Variants in ZNF573 observed in about 807,000 individuals in gnomAD.
ZNF573 encodes zinc finger protein 573.
Under a neutral mutation model 57.4 loss-of-function variants are expected in ZNF573, and 41 were observed. The observed-to-expected ratio is 0.71, with a 90% CI of 0.56 to 0.93. ZNF573 has a LOEUF of 0.93. Ranked by LOEUF, ZNF573 falls within the 40% of genes least tolerant of loss-of-function variation. ZNF573 has a pLI of 0.00. For missense variants in ZNF573, 730 were observed against 794.8 expected (o/e 0.92, Z 0.98); for synonymous variants, 249 against 261.0 (o/e 0.95, Z 0.44).
Position 37,738,472 on chromosome 19 carries a change from C to T in ZNF573, c.*20G>A, listed in dbSNP as rs189601956. The T allele has an allele frequency of 1.6e-4, 235 of 1,504,462 alleles. No homozygotes were observed. The highest frequency in any genetic ancestry group is 7.0e-4 in the South Asian group (49 of 70,308). 93.2% of individuals were successfully genotyped at this position (1,504,462 alleles called of 1,614,324 possible). ...GTGGGCTGTCTGATGATGAATGGCG[C>T]GCTCGTACTCTTTACGGTCTTACAC... On this transcript the variant is annotated 3_prime_UTR_variant, in exon 5 of 5. Coordinates refer to ENST00000536220, the MANE Select transcript of ZNF573 (RefSeq NM_001172690.2).
rs780115588 is a variant in ZNF573, at chr19:37,739,995, T to C, written c.495A>G (p.Lys165=). 6.2e-7 allele frequency: 1 copy of C among 1,614,184 alleles called. No individual in the cohort carries two copies. Among genetic ancestry groups the C allele is most frequent in the South Asian group, 1.1e-5 (1 of 91,084 alleles). ...CACTACGAAAGTTCTTCCCACACTC[T>C]TTGCATTCATAGGGTCTCTCAATGA... The part of the protein sequence containing the change: ...FHVIERPYEC[K]ECGKNFRSGY... Residue 165 remains lysine (K), a synonymous_variant, in exon 5 of 5, where the codon AAA becomes AAG. Coordinates refer to ENST00000536220, the MANE Select transcript of ZNF573 (RefSeq NM_001172690.2).
intron 4 of ZNF573, among the ~76,000 whole-genome samples, chr19:37,742,347 A>C (rs1177051643): frequency 6.6e-6 from 1 of 152,242 alleles, no homozygotes; most frequent in East Asian, 1.9e-4. Flanking sequence ...ATATGGAATC[A>C]AAGAAGACCC....
intron 4 of ZNF573, among the ~76,000 whole-genome samples, chr19:37,750,738 G>A (rs920714424): frequency 1.3e-5 from 2 of 150,670 alleles, no homozygotes; most frequent in Non-Finnish European, 2.9e-5. Flanking sequence ...TGTAATCCCA[G>A]CACTTTGGGA....
intron 2 of ZNF573, among the ~76,000 whole-genome samples, chr19:37,773,179 G>A (rs1035752970): frequency 1.3e-5 from 2 of 152,070 alleles, no homozygotes; most frequent in African/African-American, 4.8e-5. Context: ...CAAGATCCAT[G>A]GTATATCTCC....
At chr19:37,741,915 T>C (rs976184655) in intron 4 of ZNF573, among the ~76,000 whole-genome samples, 1 of 152,136 alleles carries the variant, frequency 6.6e-6, no homozygotes, top group Non-Finnish European at 1.5e-5. Flanking sequence ...TGATTTTATA[T>C]TTAGAAAACC....
intron 4 of ZNF573, among the ~76,000 whole-genome samples, chr19:37,764,360 C>T (rs2045581548): frequency 6.9e-6 from 1 of 144,024 alleles, no homozygotes; most frequent in Admixed American, 7.2e-5. Flanking sequence ...GTCGCTCTGT[C>T]ACCAGGCTGG....
chr19:37,775,596 G>C (rs2045700208), intron 1 of ZNF573, among the ~76,000 whole-genome samples: 1 of 151,770 alleles, frequency 6.6e-6, no homozygotes, highest in African/African-American at 2.4e-5. Flanking sequence ...ACAGCAACCA[G>C]ACAAGAGAAA....
Position 37,744,118 on chromosome 19 carries a change from GAAGA to G in ZNF573, c.296-3928_296-3925del, listed in dbSNP as rs1054740220. On this transcript the variant is annotated intron_variant, in intron 4 of 4. Coordinates refer to ENST00000536220, the MANE Select transcript of ZNF573 (RefSeq NM_001172690.2). ...ATCCATGTATCCTGTTTTTTTTTTA[GAAGA>G]AAGGAAAAAAAAAAGACTACTGATG... Among the ~76,000 whole-genome samples the G allele has an allele frequency of 1.3e-3, 196 of 147,926 alleles. 1 individual carries two copies. Among genetic ancestry groups the G allele is most frequent in the African/African-American group, 4.7e-3 (188 of 40,284 alleles).
intron 4 of ZNF573, among the ~76,000 whole-genome samples, chr19:37,747,509 T>C (rs1160815324): frequency 1.3e-5 from 2 of 152,216 alleles, no homozygotes; most frequent in Admixed American, 1.3e-4. Flanking sequence ...TCCACTTCTA[T>C]GTACCTGCTC....
chr19:37,764,991 T>C (rs911914761), intron 4 of ZNF573, among the ~76,000 whole-genome samples: 2 of 148,494 alleles, frequency 1.3e-5, no homozygotes, highest in Admixed American at 6.8e-5. Context: ...CTGCAACCTC[T>C]GCCTCCTGGA....
intron 4 of ZNF573, among the ~76,000 whole-genome samples, chr19:37,752,829 C>A (rs1234061187): frequency 6.6e-6 from 1 of 152,054 alleles, no homozygotes; most frequent in Non-Finnish European, 1.5e-5. Context: ...GAGACAGGAT[C>A]CTACTATGTT....
chr19:37,759,410 T>C (rs552360391), intron 4 of ZNF573, among the ~76,000 whole-genome samples: 12 of 152,326 alleles, frequency 7.9e-5, no homozygotes, highest in African/African-American at 2.4e-4. Context: ...TTAAAAACTA[T>C]CATTTTTCAA....
intron 2 of ZNF573, 51 bp downstream of exon 2, chr19:37,773,610 C>A: frequency 7.1e-7 from 1 of 1,412,846 alleles, no homozygotes; most frequent in Non-Finnish European, 9.6e-7. Context: ...TGAAAACATC[C>A]ACATAACCTA....
intron 4 of ZNF573, among the ~76,000 whole-genome samples, chr19:37,764,061 CTCAAAAAA>C (rs2045577391): frequency 1.7e-5 from 1 of 59,884 alleles, no homozygotes; most frequent in African/African-American, 6.0e-5. Flanking sequence ...GAAACTCTGC[CTCAAAAAA>C]AAAAAAAAAA....
intron 2 of ZNF573, 36 bp downstream of exon 2, chr19:37,773,625 C>A: frequency 6.7e-6 from 10 of 1,491,928 alleles, no homozygotes; most frequent in South Asian, 2.4e-5. Context: ...AACCTATGAT[C>A]ATGATATTGC....
chr19:37,745,249 G>A (rs1379443530), intron 4 of ZNF573, among the ~76,000 whole-genome samples: 1 of 152,032 alleles, frequency 6.6e-6, no homozygotes, highest in Admixed American at 6.6e-5. Flanking sequence ...TAATTTTTTT[G>A]TATTTTTGGT....
At chr19:37,765,614 G>A (rs1214896486) in intron 4 of ZNF573, among the ~76,000 whole-genome samples, 1 of 152,232 alleles carries the variant, frequency 6.6e-6, no homozygotes, top group African/African-American at 2.4e-5. Flanking sequence ...GGAGGCTGAA[G>A]CAGGAGAATC....
chr19:37,745,071 C>T (rs919584747), intron 4 of ZNF573, among the ~76,000 whole-genome samples: 2 of 150,854 alleles, frequency 1.3e-5, no homozygotes, highest in Non-Finnish European at 3.0e-5. Flanking sequence ...CGTGAGCCAC[C>T]GTGCCCGGCC....
At chr19:37,767,553 T>C (rs1228615854) in intron 4 of ZNF573, among the ~76,000 whole-genome samples, 1 of 152,126 alleles carries the variant, frequency 6.6e-6, no homozygotes, top group East Asian at 1.9e-4. Flanking sequence ...CCTTTTAAGA[T>C]GGTTCTTTAG....
Sources: gnomAD v4.1 joint callset for allele counts (sites outside exome capture counted in the v4.1 genomes callset) on GRCh38, gnomAD v4.1.1 for gene constraint, MANE v1.5 for transcripts, NCBI Gene and HGNC (gene_info 2026-07-23, HGNC 2026-07-21) for gene names.